The following ERC2 variants were observed in gnomAD, a reference collection of about 807,000 sequenced individuals.
The protein encoded by ERC2 is ERC protein 2.
A neutral mutation model predicts 114.8 loss-of-function variants in ERC2; 42 were observed. The observed-to-expected ratio is 0.37, with a 90% confidence interval of 0.29 to 0.47. ERC2 has a LOEUF of 0.47. Ranked by LOEUF, ERC2 falls within the 20% of genes least tolerant of loss-of-function variation. The pLI is 0.99. For missense variants in ERC2, 939 were observed against 1,150.7 expected (o/e 0.82, Z 2.66); for synonymous variants, 454 against 425.5 (o/e 1.07, Z -0.82).
At chr3:55,891,758 T>C (rs2063617345) in intron 13 of ERC2, among the ~76,000 whole-genome samples, 2 of 152,172 alleles carry the variant, frequency 1.3e-5, no homozygotes, top group Admixed American at 1.3e-4. Flanking sequence ...TCAAGTGCTC[T>C]ATGCTTGCCT....
At chr3:55,538,664 C>T (rs2054164587) in intron 17 of ERC2, among the ~76,000 whole-genome samples, 1 of 152,150 alleles carries the variant, frequency 6.6e-6, no homozygotes, top group African/African-American at 2.4e-5. Context: ...TTTCTGTCTC[C>T]TCAGGCAAAA....
At chr3:56,336,682 T>A (rs2057865481) in intron 2 of ERC2, among the ~76,000 whole-genome samples, 1 of 152,050 alleles carries the variant, frequency 6.6e-6, no homozygotes, top group African/African-American at 2.4e-5. Context: ...TAATCCCAGC[T>A]ACTCGGGAGG....
At chr3:55,711,788 A>G (rs374752441) in intron 15 of ERC2, among the ~76,000 whole-genome samples, 1 of 152,216 alleles carries the variant, frequency 6.6e-6, no homozygotes, top group Non-Finnish European at 1.5e-5. Flanking sequence ...GCTTGTCCTA[A>G]TGTGTTTGTT....
At chr3:56,114,819 A>C (rs2079140152) in intron 6 of ERC2, among the ~76,000 whole-genome samples, 2 of 152,228 alleles carry the variant, frequency 1.3e-5, no homozygotes, top group African/African-American at 4.8e-5. Context: ...AACTTTGAGA[A>C]GAATTGAGTT....
intron 2 of ERC2, among the ~76,000 whole-genome samples, chr3:56,330,310 A>C (rs2057553049): frequency 6.6e-6 from 1 of 152,196 alleles, no homozygotes; most frequent in African/African-American, 2.4e-5. Context: ...AAGTGCTGAG[A>C]TTATAGGCAT....
chr3:55,610,172 A>C, intron 17 of ERC2, among the ~76,000 whole-genome samples: 1 of 151,658 alleles, frequency 6.6e-6, no homozygotes, highest in South Asian at 2.1e-4. Context: ...GCTTTGTGCA[A>C]TGTAGGATAT....
rs138321161 is a variant in ERC2 at position 56,214,453 on chromosome 3, A to C, written c.1075-40933T>G. On this transcript the variant is annotated intron_variant, in intron 3 of 17. Coordinates refer to ENST00000288221, the MANE Select transcript of ERC2 (RefSeq NM_015576.3). ...AGAGAAGTTTAGAGAAAAAAGAATA[A>C]AAAGAAACGAACAAAGCCTCCAAGA... Among the ~76,000 whole-genome samples, 1,037 of 152,264 alleles carry C rather than the reference A, an allele frequency of 6.8e-3. 12 individuals carry two copies. Among genetic ancestry groups the C allele is most frequent in the African/African-American group, 0.024 (981 of 41,540 alleles).
chr3:56,433,547 G>T (rs2061887927), intron 2 of ERC2, among the ~76,000 whole-genome samples: 1 of 152,224 alleles, frequency 6.6e-6, no homozygotes, highest in Non-Finnish European at 1.5e-5. Flanking sequence ...CACAAGATAA[G>T]GCTGGAAATG....
At chr3:55,548,137 T>C in intron 17 of ERC2, among the ~76,000 whole-genome samples, 1 of 152,194 alleles carries the variant, frequency 6.6e-6, no homozygotes, top group Admixed American at 6.5e-5. Context: ...GATGCACTTG[T>C]TGAATGCCAG....
In ERC2 at chr3:55,513,635, T is replaced by TAC. The variant is rs561591109; in HGVS notation, c.*40-2361_*40-2360dup. ...GTGTGCATGTATGTATATATATATA[T>TAC]ACATATCTTTTATTTTAAGGCAGGG... On this transcript the variant is annotated intron_variant, in intron 17 of 17. Transcript: ENST00000288221. 9.9e-4 allele frequency among the ~76,000 whole-genome samples: 151 copies of TAC among 151,866 alleles called. 1 individual carries two copies. The South Asian group carries it at 0.016, about 16-fold the overall frequency.
Position 55,888,543 on chromosome 3 carries a change from C to G in ERC2, c.2410G>C (p.Glu804Gln). 3.1e-6 allele frequency: 5 copies of G among 1,613,798 alleles called. No individual in the cohort carries two copies. Among genetic ancestry groups the G allele is most frequent in the Non-Finnish European group, 3.4e-6 (4 of 1,179,766 alleles). The change falls in exon 14 of 18, where the codon GAA (glutamate) becomes CAA (glutamine). Residue 804 changes from glutamate to glutamine, a missense_variant. Physicochemically the swap from Glu to Gln is conservative, Grantham distance 29 (BLOSUM62 2). This residue lies in a region of ERC2 where 328 missense variants were observed against 353.9 expected (regional missense o/e 0.93). Coordinates refer to ENST00000288221, the MANE Select transcript of ERC2 (RefSeq NM_015576.3). ...ADNSQHLQIE[E>Q]LMNALEKTRQ... ...GTCTTCTCCAGTGCATTCATCAGTT[C>G]CTCTATCTGAAAGGCACATGGAGCT...
chr3:55,961,669 A>G (rs1161736645), intron 12 of ERC2, among the ~76,000 whole-genome samples: 1 of 151,166 alleles, frequency 6.6e-6, no homozygotes, highest in South Asian at 2.1e-4. Flanking sequence ...TGGATGAAAC[A>G]AGTCCCCCTT....
At chr3:56,190,897 T>C (rs80260017) in intron 3 of ERC2, among the ~76,000 whole-genome samples, 4,614 of 152,202 alleles carry the variant, frequency 0.03, 242 homozygotes, top group African/African-American at 0.11. Context: ...TTAACATTTA[T>C]GTAATAGTAT....
At chr3:55,833,109 T>G (rs1414692468) in intron 14 of ERC2, among the ~76,000 whole-genome samples, 1 of 149,282 alleles carries the variant, frequency 6.7e-6, no homozygotes, top group Non-Finnish European at 1.5e-5. Context: ...TGGGACTATG[T>G]GAAAAGACCA....
At chr3:55,621,602 G>T (rs908467751) in intron 17 of ERC2, among the ~76,000 whole-genome samples, 1 of 152,148 alleles carries the variant, frequency 6.6e-6, no homozygotes, top group Non-Finnish European at 1.5e-5. Flanking sequence ...CAGACACCTT[G>T]ATAATTATAA....
At chr3:56,408,292 C>A (rs1216401109) in intron 2 of ERC2, among the ~76,000 whole-genome samples, 1 of 152,168 alleles carries the variant, frequency 6.6e-6, no homozygotes, top group African/African-American at 2.4e-5. Context: ...GAGGTAGGCA[C>A]AATTGTTATC....
chr3:55,541,255 C>A (rs1230154391), intron 17 of ERC2, among the ~76,000 whole-genome samples: 1 of 152,106 alleles, frequency 6.6e-6, no homozygotes, highest in East Asian at 1.9e-4. Flanking sequence ...TTTTTTTGGC[C>A]AGAACTTCAA....
At chr3:55,883,404 A>G (rs1236996274) in intron 14 of ERC2, among the ~76,000 whole-genome samples, 2 of 152,216 alleles carry the variant, frequency 1.3e-5, no homozygotes, top group African/African-American at 4.8e-5. Context: ...GGTAAAAATT[A>G]AACAGCCTAA....
intron 13 of ERC2, among the ~76,000 whole-genome samples, chr3:55,918,221 A>C (rs192568794): frequency 1.8e-4 from 27 of 152,290 alleles, no homozygotes; most frequent in African/African-American, 5.3e-4. Context: ...TAATCTGGAA[A>C]TGTAATGTAT....
Sources: allele counts gnomAD v4.1 joint callset (sites outside exome capture counted in the v4.1 genomes callset), GRCh38; gene constraint gnomAD v4.1.1; regional missense constraint gnomAD v4.1.1; transcripts MANE v1.5; gene names NCBI Gene and HGNC (gene_info 2026-07-23, HGNC 2026-07-21).